The following MPG variants were observed in gnomAD, a reference collection of about 807,000 sequenced individuals.
MPG encodes the protein N-methylpurine DNA glycosylase.
Under a neutral mutation model 31.7 loss-of-function variants are expected in MPG, and 33 were observed. The observed-to-expected ratio is 1.04, with a 90% CI of 0.79 to 1.39. The LOEUF (loss-of-function observed/expected upper bound fraction) is 1.39, where lower values mean the gene tolerates loss of function less well. Ranked by LOEUF, MPG falls within the 40% of genes most tolerant of loss-of-function variation. The pLI is 0.00. For synonymous variants in MPG, 202 were observed against 169.2 expected, an observed-to-expected ratio of 1.19 and a Z score of -1.51; for missense variants, 455 against 415.5, an observed-to-expected ratio of 1.10 and a Z score of -0.83.
In MPG at chr16:78,434, C is replaced by T. The variant is rs1024559847; in HGVS notation, c.24+101C>T. ...GCGGGAGTGCCGGGGACGGGCGTAG[C>T]GCCCACCGCCCCGAGGGTTCGGGGC... On this transcript the variant is annotated intron_variant, in intron 1 of 3. Transcript: ENST00000356432. The T allele has an allele frequency of 8.0e-6, 8 of 1,001,998 alleles. No individual in the cohort carries two copies. In the African/African-American group the frequency reaches 1.4e-4, roughly 17 times the overall value. 62.1% of individuals were successfully genotyped at this position (1,001,998 alleles called of 1,614,324 possible). A position where few individuals can be genotyped will look rare whatever the true frequency, so the allele number is the denominator to read the frequency against.
chr16:77,689 G>T (rs940419936), upstream of MPG, among the ~76,000 whole-genome samples: 1 of 152,194 alleles, frequency 6.6e-6, no homozygotes, highest in Non-Finnish European at 1.5e-5. Context: ...TGACAACCCC[G>T]GCCAGGGGCG....
Position 85,618 on chromosome 16 carries a change from T to G in MPG, c.723T>G (p.Arg241=). 1 of 1,603,880 alleles carries G rather than the reference T, an allele frequency of 6.2e-7. No individual in the cohort carries two copies. Among genetic ancestry groups the G allele is most frequent in the Non-Finnish European group, 8.5e-7 (1 of 1,172,626 alleles). The change falls in exon 4 of 4, where the codon CGT becomes CGG. Residue 241 remains arginine, a synonymous_variant. Transcript: ENST00000356432. ...LAQDEAVWLE[R]GPLEPSEPAV... is the part of the protein sequence containing the mutation. ...AGGATGAAGCTGTATGGCTGGAGCG[T>G]GGTCCCCTGGAGCCCAGTGAGCCGG...
chr16:82,465 C>T (rs550738172), intron 2 of MPG, among the ~76,000 whole-genome samples: 18 of 152,298 alleles, frequency 1.2e-4, no homozygotes, highest in Non-Finnish European at 2.1e-4. Flanking sequence ...AACTGTTGGC[C>T]GTTACCAGGA....
chr16:77,200 G>C (rs1016587564), upstream of MPG: 3 of 152,312 alleles, frequency 2.0e-5, no homozygotes, highest in African/African-American at 7.2e-5. Context: ...GTGCGGCAGA[G>C]GTGGGTTGTG....
chr16:85,655 G>A lies in MPG; in HGVS notation c.760G>A (p.Ala254Thr), dbSNP rs1423227985. Residue 254 changes from alanine (A) to threonine (T), a missense_variant, in exon 4 of 4, where the codon GCA becomes ACA. Physicochemically the swap from Ala to Thr is moderately conservative, Grantham distance 58. Transcript: ENST00000356432. ...LEPSEPAVVA[A>T]ARVGVGHAGE... ...GCCCAGTGAGCCGGCTGTAGTGGCAGCAGCCCGGGTGGGCGTCGGCCATGC... is the reference window on the plus strand; with the variant it reads ...GCCCAGTGAGCCGGCTGTAGTGGCAACAGCCCGGGTGGGCGTCGGCCATGC... 6.3e-7 allele frequency: 1 copy of A among 1,588,242 alleles called. No homozygotes were observed. Among genetic ancestry groups the A allele is most frequent in the African/African-American group, 1.3e-5 (1 of 74,452 alleles).
intron 3 of MPG, 133 bp from the exon 4 acceptor site, chr16:85,268 G>A (rs1345297905): frequency 1.2e-5 from 13 of 1,069,464 alleles, no homozygotes; most frequent in Admixed American, 1.2e-4. Context: ...TGGTGCAGGT[G>A]CACAGAGCAG....
intron 2 of MPG, among the ~76,000 whole-genome samples, chr16:80,030 T>C (rs1898199204): frequency 6.6e-6 from 1 of 152,272 alleles, no homozygotes; most frequent in African/African-American, 2.4e-5. Flanking sequence ...ACGTGGGAAC[T>C]GTGGCTGTGG....
At position 78,946 on chromosome 16, in the gene MPG, C is replaced by T. The variant is rs3176374; in HGVS notation, c.25-479C>T. Among the ~76,000 whole-genome samples the T allele has an allele frequency of 3.3e-3, 504 of 152,262 alleles. 3 individuals carry two copies. The highest frequency in any genetic ancestry group is 0.011 in the African/African-American group (447 of 41,532). On this transcript the variant is annotated intron_variant, in intron 1 of 3. Transcript: ENST00000356432. ...GACCCTGAGCACGCGGTGGTCACCC[C>T]GGTGCTCACCCCTCCCTGTGTGTCC...
chr16:80,920 C>T (rs997400059), intron 2 of MPG, among the ~76,000 whole-genome samples: 4 of 152,236 alleles, frequency 2.6e-5, no homozygotes, highest in Non-Finnish European at 4.4e-5. Flanking sequence ...GACCACAATA[C>T]GTTTGTCTCT....
upstream of MPG, among the ~76,000 whole-genome samples, chr16:77,504 C>G (rs1057131598): frequency 6.6e-6 from 1 of 152,214 alleles, no homozygotes; most frequent in African/African-American, 2.4e-5. Flanking sequence ...ACTGCCGGGC[C>G]GTGTTCAGCC....
chr16:79,855 C>T (rs1376088013), intron 2 of MPG, 155 bp downstream of exon 2: 5 of 843,122 alleles, frequency 5.9e-6, no homozygotes, highest in South Asian at 3.6e-5. Context: ...TGCTTAGCTT[C>T]ATCTCAGTTG....
At chr16:77,233 G>C (rs1277620384), upstream of MPG, 1 of 152,328 alleles carries the variant, frequency 6.6e-6, no homozygotes, top group African/African-American at 2.4e-5. Context: ...GCCTGCCACA[G>C]TGGAGGGGCC....
chr16:79,320 A>C, intron 1 of MPG, 105 bp from the exon 2 acceptor site: 1 of 1,611,094 alleles, frequency 6.2e-7, no homozygotes, highest in Non-Finnish European at 8.5e-7. Context: ...GCAGATGAAG[A>C]AACCAAAGCA....
chr16:81,275 G>GGTATCA (rs1169314553), intron 2 of MPG, among the ~76,000 whole-genome samples: 3 of 152,208 alleles, frequency 2.0e-5, no homozygotes, highest in Non-Finnish European at 4.4e-5. Context: ...ATCTGCCACT[G>GGTATCA]GTGGAAATGG....
At chr16:83,307 G>A (rs370844690) in intron 3 of MPG, 51 bp downstream of exon 3, 44 of 1,548,290 alleles carry the variant, frequency 2.8e-5, no homozygotes, top group South Asian at 1.4e-4. Flanking sequence ...AGCCCTGTCC[G>A]CTAGCAGCCA....
chr16:85,424 C>T lies in MPG; in HGVS notation c.529C>T (p.Arg177Ter), dbSNP rs907071937. The change falls in exon 4 of 4, where the codon CGA (arginine) becomes TGA (stop). Residue 177 changes from arginine (R) to a stop codon, truncating the protein, a stop_gained. Coordinates refer to ENST00000356432, the MANE Select transcript of MPG (RefSeq NM_001015052.3). LOFTEE classifies it high-confidence loss of function. The part of the protein sequence containing the change: ...SQGDGACVLL[R>*]ALEPLEGLET... ...AGGGGACGGGGCTTGCGTCTTGCTG[C>T]GAGCACTGGAGCCCCTGGAAGGTCT... is the stretch of plus-strand genomic sequence containing the variant. 5.0e-6 allele frequency: 8 copies of T among 1,609,268 alleles called. No individual in the cohort carries two copies. Among genetic ancestry groups the T allele is most frequent in the East Asian group, 2.2e-5 (1 of 44,840 alleles).
rs1366607614 is a variant in MPG, at chr16:85,825, TA to T, written c.*51del. 13 of 1,437,642 alleles carry T rather than the reference TA, an allele frequency of 9.0e-6. No individual in the cohort carries two copies. The highest frequency in any genetic ancestry group is 1.2e-5 in the Non-Finnish European group (13 of 1,093,062). The allele number at this position is 1,437,642 out of a possible 1,614,324, so 89.1% of individuals were successfully genotyped here. A position where few individuals can be genotyped will look rare whatever the true frequency, so the allele number is the denominator to read the frequency against. ...ATTTTTTAATTGTTTAAAAACCGAATAAATGTTTTATTTCTAGAAAACTGTG... is the reference window on the plus strand; with the variant it reads ...ATTTTTTAATTGTTTAAAAACCGAATAATGTTTTATTTCTAGAAAACTGTG... On this transcript the variant is annotated 3_prime_UTR_variant, in exon 4 of 4. Coordinates refer to ENST00000356432, the MANE Select transcript of MPG (RefSeq NM_001015052.3).
Position 83,045 on chromosome 16 carries a change from C to A in MPG, c.301-7C>A. On this transcript the variant is annotated splice_region_variant and splice_polypyrimidine_tract_variant and intron_variant, in intron 2 of 3. Coordinates refer to ENST00000356432, the MANE Select transcript of MPG (RefSeq NM_001015052.3). Reference sequence around the variant, plus strand: ...TCCCGCCCTGAGCAGAAACTGACTGCCCACAGGTCCTAGTCCGGCGACTTC... The same window carrying A: ...TCCCGCCCTGAGCAGAAACTGACTGACCACAGGTCCTAGTCCGGCGACTTC... 6.3e-7 allele frequency: 1 copy of A among 1,584,546 alleles called. No individual in the cohort carries two copies.
chr16:81,804 A>G (rs71382255), intron 2 of MPG, among the ~76,000 whole-genome samples: 14 of 61,526 alleles, frequency 2.3e-4, no homozygotes, highest in Non-Finnish European at 2.7e-4. Flanking sequence ...CCCGGCGCTG[A>G]CCCCTTCTTC....
Sources: gnomAD v4.1 joint callset for allele counts (sites outside exome capture counted in the v4.1 genomes callset) on GRCh38, gnomAD v4.1.1 for gene constraint, MANE v1.5 for transcripts, NCBI Gene and HGNC (gene_info 2026-07-23, HGNC 2026-07-21) for gene names.